RGPD5: variants seen among roughly 807,000 people sequenced by gnomAD.
RGPD5 encodes the protein RANBP2 like and GRIP domain containing 5, also known as RANBP2-like and GRIP domain-containing protein 5/6.
chr2:109,763,778 T>C, the RGPD5 span, among the ~76,000 whole-genome samples: 1 of 150,302 alleles, frequency 6.7e-6, no homozygotes, highest in Non-Finnish European at 1.5e-5. Flanking sequence ...GAGAATCTTA[T>C]TTTAATCCCT....
chr2:109,765,672 A>C, the RGPD5 span, among the ~76,000 whole-genome samples: 2 of 150,462 alleles, frequency 1.3e-5, no homozygotes, highest in African/African-American at 4.9e-5. Context: ...TGTGAATAGA[A>C]ACATGGAGGG....
chr2:109,794,614 G>GGGCGGCGGCGGCGGC (rs1176515402), intron 1 of RGPD5, 77 bp downstream of exon 1: 1 of 72,258 alleles, frequency 1.4e-5, no homozygotes, highest in African/African-American at 1.1e-4. Flanking sequence ...GCGGCGGGGG[G>GGGCGGCGGCGGCGGC]GGCGGCGGCG....
chr2:109,766,257 G>A, the RGPD5 span, among the ~76,000 whole-genome samples: 1 of 151,184 alleles, frequency 6.6e-6, no homozygotes, highest in African/African-American at 2.4e-5. Flanking sequence ...GTGGGGAAGG[G>A]GCTGCTCATC....
chr2:109,777,352 C>A, the RGPD5 span, among the ~76,000 whole-genome samples: 3 of 147,090 alleles, frequency 2.0e-5, 1 homozygote, highest in South Asian at 4.5e-4. Context: ...AGACTTTAAT[C>A]TATTAATATA....
At chr2:109,764,843 T>C in the RGPD5 span, among the ~76,000 whole-genome samples, 3 of 122,466 alleles carry the variant, frequency 2.4e-5, no homozygotes, top group Non-Finnish European at 4.9e-5. Flanking sequence ...TGGAATTACC[T>C]ATACTGTCTC....
At chr2:109,777,347 TTAATC>T in the RGPD5 span, among the ~76,000 whole-genome samples, 14 of 147,686 alleles carry the variant, frequency 9.5e-5, no homozygotes, top group South Asian at 2.9e-3. Flanking sequence ...TTAATAGACT[TTAATC>T]TATTAATATA....
At chr2:109,766,513 T>C in the RGPD5 span, among the ~76,000 whole-genome samples, 1 of 150,504 alleles carries the variant, frequency 6.6e-6, no homozygotes, top group African/African-American at 2.4e-5. Context: ...CTTGATGACG[T>C]TGAAGATGAG....
intron 1 of RGPD5, 43 bp downstream of exon 1, chr2:109,794,580 C>CGGGGAGGGGGAG (rs1676850399): frequency 1.1e-6 from 1 of 899,516 alleles, no homozygotes; most frequent in Admixed American, 7.7e-5. Context: ...TCGACCCGGC[C>CGGGGAGGGGGAG]GGGGGGCGGC....
the RGPD5 span, among the ~76,000 whole-genome samples, chr2:109,765,628 A>G: frequency 3.3e-5 from 5 of 150,196 alleles, no homozygotes; most frequent in African/African-American, 9.8e-5. Context: ...TTCAGGAGGA[A>G]ATGGAAAGGA....
chr2:109,763,972 T>A, the RGPD5 span, among the ~76,000 whole-genome samples: 2 of 144,922 alleles, frequency 1.4e-5, no homozygotes, highest in Non-Finnish European at 3.0e-5. Context: ...ATATACACAA[T>A]CAATTGATAA....
chr2:109,778,422 A>G, the RGPD5 span, among the ~76,000 whole-genome samples: 4 of 149,740 alleles, frequency 2.7e-5, no homozygotes, highest in African/African-American at 7.5e-5. Context: ...GTTTCTCCGT[A>G]TAAATCTTAG....
chr2:109,761,975 G>A, the RGPD5 span, among the ~76,000 whole-genome samples: 1 of 149,240 alleles, frequency 6.7e-6, no homozygotes, highest in Non-Finnish European at 1.5e-5. Context: ...ATGATATGTG[G>A]ATCTGTGTGT....
the RGPD5 span, among the ~76,000 whole-genome samples, chr2:109,766,396 C>T: frequency 1.3e-5 from 2 of 150,590 alleles, no homozygotes; most frequent in South Asian, 2.2e-4. Context: ...TTCAGGGCGC[C>T]GAGAACTTGG....
the RGPD5 span, among the ~76,000 whole-genome samples, chr2:109,774,518 T>TATATAATAC: frequency 4.7e-5 from 4 of 85,000 alleles, no homozygotes; most frequent in Non-Finnish European, 8.0e-5. Context: ...ATATATAATA[T>TATATAATAC]ATATTATATA....
At chr2:109,773,051 C>T in the RGPD5 span, among the ~76,000 whole-genome samples, 1 of 152,218 alleles carries the variant, frequency 6.6e-6, no homozygotes, top group Non-Finnish European at 1.5e-5. Context: ...ATAAAATTGT[C>T]TCTAGGAAGT....
chr2:109,777,343 G>T, the RGPD5 span, among the ~76,000 whole-genome samples: 19 of 147,626 alleles, frequency 1.3e-4, no homozygotes, highest in East Asian at 1.4e-3. Flanking sequence ...TACTTTAATA[G>T]ACTTTAATCT....
At chr2:109,766,456 A>AG in the RGPD5 span, among the ~76,000 whole-genome samples, 5 of 150,598 alleles carry the variant, frequency 3.3e-5, no homozygotes, top group African/African-American at 1.2e-4. Flanking sequence ...GGAGGAACCC[A>AG]GGGAGTGTGC....
At chr2:109,764,742 G>T in the RGPD5 span, among the ~76,000 whole-genome samples, 1 of 134,066 alleles carries the variant, frequency 7.5e-6, no homozygotes, top group African/African-American at 3.0e-5. Context: ...TGTGGGTGGG[G>T]GTATTGAGAG....
chr2:109,799,276 G>C (rs1573999368), intron 1 of RGPD5, among the ~76,000 whole-genome samples: 1 of 125,616 alleles, frequency 8.0e-6, no homozygotes, highest in Non-Finnish European at 1.6e-5. Flanking sequence ...AACAGGCCTT[G>C]TTCCTTTATG....
Sources: gnomAD v4.1 joint callset for allele counts (sites outside exome capture counted in the v4.1 genomes callset) on GRCh38, gnomAD v4.1.1 for gene constraint, MANE v1.5 for transcripts, NCBI Gene and HGNC (gene_info 2026-07-23, HGNC 2026-07-21) for gene names.